The following CFAP44 variants were observed in gnomAD, a reference collection of about 807,000 sequenced individuals.
CFAP44 encodes cilia- and flagella-associated protein 44.
In CFAP44, 134 loss-of-function variants were observed where a neutral mutation model predicts 216.2. That is an observed-to-expected ratio of 0.62 (90% CI 0.54 to 0.72). CFAP44 has a LOEUF of 0.72. CFAP44 is among the 30% of genes least tolerant of loss of function. CFAP44 has a pLI of 0.00. For synonymous variants in CFAP44, 700 were observed against 727.6 expected (o/e 0.96, Z 0.61); for missense variants, 2,035 against 2,182.1 (o/e 0.93, Z 1.34).
rs115277470 is a variant in CFAP44, at chr3:113,289,221, C to A, written c.*2336G>T. On this transcript the variant is annotated 3_prime_UTR_variant, in exon 35 of 35. Coordinates refer to ENST00000393845, the MANE Select transcript of CFAP44 (RefSeq NM_001164496.2). ...AGCTATCAACATATTTTGTCCAATTCAAAATAAAGTAATTCAGTGTTAACT... is the reference window on the plus strand; with the variant it reads ...AGCTATCAACATATTTTGTCCAATTAAAAATAAAGTAATTCAGTGTTAACT... 75 of 152,324 alleles carry A rather than the reference C, an allele frequency of 4.9e-4. 1 individual carries two copies. The highest frequency in any genetic ancestry group is 1.8e-3 in the African/African-American group (73 of 41,582). The allele number at this position is 152,324 out of a possible 1,614,324, so 9.4% of individuals were successfully genotyped here. A position where few individuals can be genotyped will look rare whatever the true frequency, so the allele number is the denominator to read the frequency against.
chr3:113,404,816 T>G (rs569142459), intron 8 of CFAP44, among the ~76,000 whole-genome samples: 1 of 152,114 alleles, frequency 6.6e-6, no homozygotes, highest in Non-Finnish European at 1.5e-5. Flanking sequence ...CACAAAACAG[T>G]TAAGTAACTT....
At chr3:113,339,758 T>C (rs967585582) in intron 24 of CFAP44, among the ~76,000 whole-genome samples, 3 of 152,192 alleles carry the variant, frequency 2.0e-5, no homozygotes, top group Admixed American at 6.5e-5. Flanking sequence ...GTCTCAAATG[T>C]GCCCTGCCAA....
intron 6 of CFAP44, among the ~76,000 whole-genome samples, chr3:113,409,819 G>A (rs1401227107): frequency 1.3e-5 from 2 of 152,340 alleles, no homozygotes; most frequent in South Asian, 2.1e-4. Context: ...AATCAAGATG[G>A]TGATGAAAGC....
chr3:113,426,669 C>T (rs1934967668), intron 3 of CFAP44: 3 of 198,532 alleles, frequency 1.5e-5, no homozygotes, highest in Admixed American at 5.4e-5. Flanking sequence ...AGCATGAGAA[C>T]GGACTAATAC....
At chr3:113,422,628 G>A (rs1188394726) in intron 4 of CFAP44, among the ~76,000 whole-genome samples, 2 of 152,138 alleles carry the variant, frequency 1.3e-5, no homozygotes, top group Admixed American at 6.5e-5. Flanking sequence ...CAAGCCTCCT[G>A]GAGGAAGTTT....
chr3:113,349,858 C>T (rs1218583300), intron 22 of CFAP44, among the ~76,000 whole-genome samples: 1 of 152,236 alleles, frequency 6.6e-6, no homozygotes, highest in Non-Finnish European at 1.5e-5. Context: ...GGTCTGTTAC[C>T]ATCCGAGGAA....
intron 22 of CFAP44, among the ~76,000 whole-genome samples, chr3:113,347,326 G>T (rs935275071): frequency 2.3e-4 from 35 of 152,094 alleles, no homozygotes; most frequent in African/African-American, 7.2e-4. Flanking sequence ...ACAAAAAGTT[G>T]GTTGACCCTG....
chr3:113,299,235 A>G (rs1465574466), intron 32 of CFAP44, among the ~76,000 whole-genome samples: 1 of 152,178 alleles, frequency 6.6e-6, no homozygotes, highest in Admixed American at 6.5e-5. Context: ...TACTAATCCA[A>G]TTTTTAAATG....
At chr3:113,418,852 G>A (rs1024958090) in intron 5 of CFAP44, among the ~76,000 whole-genome samples, 16 of 151,838 alleles carry the variant, frequency 1.1e-4, no homozygotes, top group African/African-American at 3.4e-4. Context: ...TTACAGGCGC[G>A]TGCCACCATG....
At chr3:113,347,526 T>C (rs1044284553) in intron 22 of CFAP44, among the ~76,000 whole-genome samples, 1 of 152,188 alleles carries the variant, frequency 6.6e-6, no homozygotes. Context: ...TCTCCTATAA[T>C]GATTTCTAGT....
chr3:113,334,537 T>C (rs774470635), intron 24 of CFAP44, among the ~76,000 whole-genome samples: 5 of 151,718 alleles, frequency 3.3e-5, no homozygotes, highest in Non-Finnish European at 7.4e-5. Context: ...ACCCACAAGA[T>C]AAGGCCACAA....
intron 28 of CFAP44, among the ~76,000 whole-genome samples, chr3:113,325,263 T>G (rs1304493779): frequency 1.4e-5 from 2 of 140,614 alleles, no homozygotes; most frequent in East Asian, 2.2e-4. Context: ...ATCACGCCAC[T>G]GCACTCCAGC....
chr3:113,395,476 C>T (rs985052800), intron 15 of CFAP44, among the ~76,000 whole-genome samples: 2 of 152,090 alleles, frequency 1.3e-5, no homozygotes, highest in Admixed American at 1.3e-4. Flanking sequence ...TGGAGCAAAG[C>T]CTGATATAAC....
intron 25 of CFAP44, 47 bp downstream of exon 25, chr3:113,333,358 AG>A: frequency 6.7e-7 from 1 of 1,490,592 alleles, no homozygotes; most frequent in Non-Finnish European, 8.9e-7. Context: ...AATTTAATTA[AG>A]AACCCAGGGT....
chr3:113,363,379 A>G (rs1950559798), intron 20 of CFAP44, 72 bp from the exon 21 acceptor site: 2 of 1,568,826 alleles, frequency 1.3e-6, no homozygotes, highest in Non-Finnish European at 1.7e-6. Flanking sequence ...ATTAGTATTC[A>G]ATAATTTGAA....
intron 2 of CFAP44, 194 bp from the exon 3 acceptor site, chr3:113,427,533 T>C (rs574817892): frequency 2.0e-6 from 1 of 490,066 alleles, no homozygotes; most frequent in Non-Finnish European, 3.5e-6. Flanking sequence ...TGTTTGTTAA[T>C]CTCCATTTTC....
intron 8 of CFAP44, 30 bp from the exon 9 acceptor site, chr3:113,404,046 C>A: frequency 6.3e-7 from 1 of 1,597,158 alleles, no homozygotes; most frequent in East Asian, 2.3e-5. Context: ...AAGAAATGTG[C>A]ATTAAAACAG....
At chr3:113,439,309 G>T (rs969615737) in intron 1 of CFAP44, among the ~76,000 whole-genome samples, 2 of 152,084 alleles carry the variant, frequency 1.3e-5, no homozygotes, top group Non-Finnish European at 2.9e-5. Flanking sequence ...GGGTTCTCAC[G>T]CTTGTATGCT....
intron 7 of CFAP44, among the ~76,000 whole-genome samples, chr3:113,408,553 G>A (rs1346967674): frequency 6.6e-6 from 1 of 152,130 alleles, no homozygotes; most frequent in Non-Finnish European, 1.5e-5. Flanking sequence ...CTATAAGAAG[G>A]CAGCAGGCTA....
Sources: gnomAD v4.1 joint callset for allele counts (sites outside exome capture counted in the v4.1 genomes callset) on GRCh38, gnomAD v4.1.1 for gene constraint, MANE v1.5 for transcripts, NCBI Gene and HGNC (gene_info 2026-07-23, HGNC 2026-07-21) for gene names.